Variants in FBXL18 observed in about 807,000 individuals in gnomAD.
FBXL18 encodes F-box/LRR-repeat protein 18.
Under a neutral mutation model 46.0 loss-of-function variants are expected in FBXL18, and 36 were observed. The observed-to-expected ratio is 0.78, with a 90% CI of 0.60 to 1.03. The LOEUF (loss-of-function observed/expected upper bound fraction) is 1.03. FBXL18 is among the 50% of genes least tolerant of loss of function. The pLI, the probability that FBXL18 is intolerant of heterozygous loss-of-function variation, is 0.00. For synonymous variants in FBXL18, 557 were observed against 465.3 expected (o/e 1.20, Z -2.54); for missense variants, 977 against 1,004.1 (o/e 0.97, Z 0.36).
intron 4 of FBXL18, among the ~76,000 whole-genome samples, chr7:5,459,855 G>A (rs1021012944): frequency 5.9e-5 from 9 of 152,152 alleles, no homozygotes; most frequent in East Asian, 3.8e-4. Context: ...AGAGGCTGCC[G>A]TGAGCTGAGA....
intron 2 of FBXL18, among the ~76,000 whole-genome samples, chr7:5,502,833 G>GAA (rs55824263): frequency 1.5e-5 from 2 of 134,822 alleles, no homozygotes; most frequent in African/African-American, 2.8e-5. Context: ...TCTCAAAAAA[G>GAA]AAAAAAAAAA....
chr7:5,513,124 A>G (rs566711268), intron 1 of FBXL18, among the ~76,000 whole-genome samples: 72 of 152,160 alleles, frequency 4.7e-4, no homozygotes, highest in African/African-American at 1.7e-3. Context: ...TCTCCATCGG[A>G]CCCAGATTTG....
intron 1 of FBXL18, among the ~76,000 whole-genome samples, chr7:5,509,685 G>C (rs761254523): frequency 2.9e-5 from 4 of 136,056 alleles, no homozygotes; most frequent in Non-Finnish European, 4.7e-5. Context: ...CTGGGTGACA[G>C]AGTGAGATTC....
chr7:5,494,988 C>T (rs1265756284), intron 3 of FBXL18, among the ~76,000 whole-genome samples: 3 of 152,210 alleles, frequency 2.0e-5, no homozygotes, highest in South Asian at 2.1e-4. Flanking sequence ...GGTCAGGCAG[C>T]GGGCCTGGCA....
Position 5,505,416 on chromosome 7 carries a change from T to G in FBXL18, c.233A>C (p.Tyr78Ser), listed in dbSNP as rs535129166. ...LIHTVLLQKD[Y>S]QASEDKVRQL... ...CCTGCCCCCACGCCTGCTCACCTGA[T>G]AGTCCTTTTGCAGCAACACGGTGTG... The change falls in exon 2 of 5, where the codon TAT (tyrosine) becomes TCT (serine). Residue 78 changes from tyrosine (Y) to serine (S), a missense_variant. Transcript: ENST00000382368. 6.2e-7 allele frequency: 1 copy of G among 1,614,028 alleles called. No individual in the cohort carries two copies. Among genetic ancestry groups the G allele is most frequent in the East Asian group, 2.2e-5 (1 of 44,876 alleles).
rs1783544738 is a variant in FBXL18, at chr7:5,477,558, C to T, written c.*4217G>A. 6.6e-6 allele frequency among the ~76,000 whole-genome samples: 1 copy of T among 152,022 alleles called. No individual in the cohort carries two copies. The highest frequency in any genetic ancestry group is 1.5e-5 in the Non-Finnish European group (1 of 68,008). On this transcript the variant is annotated 3_prime_UTR_variant, in exon 5 of 5. Transcript: ENST00000382368. The surrounding 1 kb of genome is among the most constrained non-coding windows in gnomAD (Gnocchi z 4.4). The stretch of plus-strand genomic sequence containing the variant: ...TCTCTGCAAAAATACAAAAATTAGC[C>T]GGTCATGATGGCAGGTGCCTGTAAT...
At chr7:5,510,553 G>A (rs945451276) in intron 1 of FBXL18, among the ~76,000 whole-genome samples, 1 of 151,812 alleles carries the variant, frequency 6.6e-6, no homozygotes, top group South Asian at 2.1e-4. Context: ...ATGGTGGCAC[G>A]TGCCTATAGT....
rs1784070675 is a variant in FBXL18, at chr7:5,496,021, T to C, written c.1781+4467A>G. ...CGCAGGCCTCTCCGCGCCTTCTCCA[T>C]GGCCCTGCTCCTGAGGAAGGCCCTT... On this transcript the variant is annotated intron_variant, in intron 3 of 4. Transcript: ENST00000382368. This position sits in a 1 kb window ranked among gnomAD's most constrained non-coding sequence, Gnocchi z 4.8. The C allele has an allele frequency of 2.5e-6, 1 of 402,152 alleles. No individual in the cohort carries two copies. The highest frequency in any genetic ancestry group is 2.1e-5 in the African/African-American group (1 of 48,320). 24.9% of individuals were successfully genotyped at this position (402,152 alleles called of 1,614,324 possible). A position where few individuals can be genotyped will look rare whatever the true frequency, so the allele number is the denominator to read the frequency against.
At chr7:5,482,607 C>T (rs997040361) in intron 4 of FBXL18, among the ~76,000 whole-genome samples, 2 of 151,268 alleles carry the variant, frequency 1.3e-5, no homozygotes, top group Non-Finnish European at 2.9e-5. Context: ...GCATTGAGCT[C>T]GACAGACATG....
chr7:5,509,476 C>G lies in FBXL18; in HGVS notation c.19-3846G>C, dbSNP rs557998586. On this transcript the variant is annotated intron_variant, in intron 1 of 4. Coordinates refer to ENST00000382368, the MANE Select transcript of FBXL18 (RefSeq NM_024963.6). ...TTGGGAGGCCAAAGCGGGTGGATCACGAGGTCAGGAGTTCGAGACCAGCCT... is the reference window on the plus strand; with the variant it reads ...TTGGGAGGCCAAAGCGGGTGGATCAGGAGGTCAGGAGTTCGAGACCAGCCT... Among the ~76,000 whole-genome samples the G allele has an allele frequency of 6.6e-5, 10 of 151,892 alleles. No individual in the cohort carries two copies. In the South Asian group the frequency reaches 1.0e-3, roughly 16 times the overall value.
downstream of FBXL18, among the ~76,000 whole-genome samples, chr7:5,471,544 G>T (rs1391270696): frequency 6.6e-6 from 1 of 151,168 alleles, no homozygotes; most frequent in Admixed American, 6.6e-5. Context: ...CCAAAGTGCT[G>T]GGACTACAGG....
At position 5,505,724 on chromosome 7, in the gene FBXL18, T is replaced by A. The variant is rs13245207; in HGVS notation, c.19-94A>T. 0.27 allele frequency: 277,356 copies of A among 1,014,836 alleles called. 39,385 individuals are homozygous for A. Among genetic ancestry groups the A allele is most frequent in the Middle Eastern group, 0.33 (1,129 of 3,462 alleles). 62.9% of individuals were successfully genotyped at this position (1,014,836 alleles called of 1,614,324 possible). A position where few individuals can be genotyped will look rare whatever the true frequency, so the allele number is the denominator to read the frequency against. On this transcript the variant is annotated intron_variant, in intron 1 of 4. Transcript: ENST00000382368. ...GCAGAGAAGCAAAGAGAAGCCCTTA[T>A]CCATGGGAAAGAAGGTGTTTTTACT...
chr7:5,461,131 G>A (rs995809002), intron 4 of FBXL18, among the ~76,000 whole-genome samples: 1 of 152,216 alleles, frequency 6.6e-6, no homozygotes, highest in Non-Finnish European at 1.5e-5. Context: ...CGGGGTGGCA[G>A]GTGGCTGCAA....
Position 5,500,876 on chromosome 7 carries a change from C to A in FBXL18, c.1393G>T (p.Gly465Cys). The A allele has an allele frequency of 6.3e-7, 1 of 1,598,376 alleles. No homozygotes were observed. The highest frequency in any genetic ancestry group is 1.1e-5 in the South Asian group (1 of 89,456). ...GVQSCPSPFS[G>C]QACPQPSSVF... is the part of the protein sequence containing the mutation. ...GAGGAGGGCTGGGGGCACGCCTGGCCCGAGAAGGGGCTGGGACAGGACTGC... is the reference window on the plus strand; with the variant it reads ...GAGGAGGGCTGGGGGCACGCCTGGCACGAGAAGGGGCTGGGACAGGACTGC... Residue 465 changes from glycine (G) to cysteine (C), a missense_variant, in exon 3 of 5, where the codon GGC becomes TGC. Transcript: ENST00000382368.
chr7:5,492,844 A>C (rs1246263547), intron 3 of FBXL18, among the ~76,000 whole-genome samples: 1 of 152,120 alleles, frequency 6.6e-6, no homozygotes, highest in Non-Finnish European at 1.5e-5. Flanking sequence ...CTCAGAAGGA[A>C]TGAACCATCC....
intron 2 of FBXL18, among the ~76,000 whole-genome samples, chr7:5,504,750 C>A (rs1451465900): frequency 6.7e-6 from 1 of 148,990 alleles, no homozygotes; most frequent in African/African-American, 2.4e-5. Flanking sequence ...CCCGTCTCTA[C>A]TAAAAATACA....
rs1453811336 is a variant in FBXL18, at chr7:5,480,248, A to G, written c.*1527T>C. 6.6e-6 allele frequency among the ~76,000 whole-genome samples: 1 copy of G among 152,088 alleles called. No individual in the cohort carries two copies. Among genetic ancestry groups the G allele is most frequent in the African/African-American group, 2.4e-5 (1 of 41,400 alleles). On this transcript the variant is annotated 3_prime_UTR_variant, in exon 5 of 5. Coordinates refer to ENST00000382368, the MANE Select transcript of FBXL18 (RefSeq NM_024963.6). ...AGGCGGGCTGGACAAGGGGCCCTTC[A>G]CCAAGAGCGGCCAGGGCGGCGGTCC...
At chr7:5,506,914 G>A (rs1165917812) in intron 1 of FBXL18, among the ~76,000 whole-genome samples, 1 of 152,134 alleles carries the variant, frequency 6.6e-6, no homozygotes, top group Non-Finnish European at 1.5e-5. Context: ...CCCTAATGTG[G>A]GCCTGAGTCA....
At chr7:5,487,039 G>C (rs1195737156) in intron 4 of FBXL18, among the ~76,000 whole-genome samples, 3 of 152,270 alleles carry the variant, frequency 2.0e-5, no homozygotes, top group African/African-American at 7.2e-5. Flanking sequence ...CGGGGCCTGC[G>C]GCCGGTTCCC....
Sources: allele counts gnomAD v4.1 joint callset (sites outside exome capture counted in the v4.1 genomes callset), GRCh38; gene constraint gnomAD v4.1.1; non-coding constraint Gnocchi (gnomAD v3.1); transcripts MANE v1.5; gene names NCBI Gene and HGNC (gene_info 2026-07-23, HGNC 2026-07-21).